ARL15: variants seen among roughly 807,000 people sequenced by gnomAD.
ARL15 encodes the protein ARF like GTPase 15, also known as ADP-ribosylation factor-like protein 15.
In ARL15, 19 loss-of-function variants were observed where a neutral mutation model predicts 25.2. The observed-to-expected ratio is 0.75, with a 90% CI of 0.53 to 1.10. ARL15 has a LOEUF of 1.10. Among genes scored for constraint, ARL15 ranks in the 50% least tolerant of loss-of-function variants. The pLI is 0.00. For missense variants in ARL15, 220 were observed against 246.0 expected (o/e 0.89, Z 0.71); for synonymous variants, 94 against 86.8 (o/e 1.08, Z -0.46).
chr5:53,933,734 T>C (rs1295413256), intron 4 of ARL15, among the ~76,000 whole-genome samples: 2 of 151,554 alleles, frequency 1.3e-5, no homozygotes, highest in African/African-American at 2.4e-5. Context: ...ATTCATTAGG[T>C]TTAAGGATCT....
chr5:54,129,377 C>T (rs1027080753), intron 3 of ARL15, among the ~76,000 whole-genome samples: 2 of 152,072 alleles, frequency 1.3e-5, no homozygotes, highest in African/African-American at 4.8e-5. Context: ...GCTCCCTATT[C>T]AGAGCATATT....
At chr5:53,941,735 T>C (rs1746545800) in intron 4 of ARL15, among the ~76,000 whole-genome samples, 1 of 152,148 alleles carries the variant, frequency 6.6e-6, no homozygotes, top group Non-Finnish European at 1.5e-5. Context: ...CAGTTGTTTA[T>C]GTGGTGATTC....
intron 1 of ARL15, among the ~76,000 whole-genome samples, chr5:54,305,937 C>G (rs952939532): frequency 1.3e-5 from 2 of 152,128 alleles, no homozygotes; most frequent in Admixed American, 6.5e-5. Context: ...GTCACATTTT[C>G]AAGTCTAAGT....
At chr5:53,932,534 A>G (rs1230416560) in intron 4 of ARL15, among the ~76,000 whole-genome samples, 1 of 152,200 alleles carries the variant, frequency 6.6e-6, no homozygotes, top group East Asian at 1.9e-4. Context: ...GCGGATCACC[A>G]TCTGGGTTGA....
At chr5:54,120,067 A>G (rs530027189) in intron 3 of ARL15, among the ~76,000 whole-genome samples, 80 of 152,308 alleles carry the variant, frequency 5.3e-4, no homozygotes, top group South Asian at 1.7e-3. Context: ...TCTAACCCAT[A>G]ATGGAAACTC....
At chr5:54,085,447 T>C (rs1751934639) in intron 4 of ARL15, among the ~76,000 whole-genome samples, 1 of 152,302 alleles carries the variant, frequency 6.6e-6, no homozygotes, top group East Asian at 1.9e-4. Flanking sequence ...TAAGTTTTTT[T>C]AGAAATTTTT....
At chr5:54,125,085 GTT>G (rs70986660) in intron 3 of ARL15, among the ~76,000 whole-genome samples, 2 of 136,438 alleles carry the variant, frequency 1.5e-5, no homozygotes, top group Admixed American at 7.3e-5. Flanking sequence ...GTTTTGTTTT[GTT>G]TTTTTTTTTT....
intron 4 of ARL15, among the ~76,000 whole-genome samples, chr5:53,989,244 T>A (rs1664796): frequency 0.63 from 96,182 of 152,044 alleles, 30,911 homozygotes; most frequent in East Asian, 0.86. Flanking sequence ...ATAACATTTC[T>A]AAATTATCTG....
intron 4 of ARL15, among the ~76,000 whole-genome samples, chr5:53,972,932 T>C (rs12658939): frequency 0.14 from 20,927 of 152,188 alleles, 1,525 homozygotes; most frequent in East Asian, 0.26. Flanking sequence ...ATTTTCATGT[T>C]TGCAATGACC....
At chr5:54,107,493 C>G (rs958439143) in intron 4 of ARL15, among the ~76,000 whole-genome samples, 6 of 151,924 alleles carry the variant, frequency 3.9e-5, no homozygotes, top group African/African-American at 1.2e-4. Flanking sequence ...CATGAAACTT[C>G]GATAGGAAGT....
intron 4 of ARL15, among the ~76,000 whole-genome samples, chr5:53,888,980 T>C: frequency 6.6e-6 from 1 of 152,130 alleles, no homozygotes; most frequent in African/African-American, 2.4e-5. Flanking sequence ...CAATAATGCT[T>C]CCCATCAGAT....
At chr5:54,230,104 C>T (rs1756625238) in intron 1 of ARL15, among the ~76,000 whole-genome samples, 2 of 152,096 alleles carry the variant, frequency 1.3e-5, no homozygotes, top group South Asian at 4.1e-4. Flanking sequence ...GTAATCCCAG[C>T]ACTTCGGGAG....
intron 4 of ARL15, among the ~76,000 whole-genome samples, chr5:53,975,720 G>A (rs948184900): frequency 6.6e-6 from 1 of 152,172 alleles, no homozygotes; most frequent in African/African-American, 2.4e-5. Context: ...ATTCTTCTGG[G>A]GAAGGACCAA....
At chr5:54,008,591 T>C (rs1580165653) in intron 4 of ARL15, among the ~76,000 whole-genome samples, 1 of 152,164 alleles carries the variant, frequency 6.6e-6, no homozygotes, top group East Asian at 1.9e-4. Flanking sequence ...TTTACTTATT[T>C]CTTCACCAAA....
rs114429817 is a variant in ARL15, at chr5:54,095,363, T to G, written c.462+17839A>C. 1.0e-2 allele frequency among the ~76,000 whole-genome samples: 1,521 copies of G among 152,310 alleles called. 29 individuals carry two copies. The highest frequency in any genetic ancestry group is 0.035 in the African/African-American group (1,440 of 41,568). On this transcript the variant is annotated intron_variant, in intron 4 of 4. Transcript: ENST00000504924. The stretch of plus-strand genomic sequence containing the variant: ...AACAATTACCAGAATATGACACGTT[T>G]TATAGCCCCGTGCCTTTTCTTAAAC...
At position 54,028,526 on chromosome 5, in the gene ARL15, AC is replaced by A. The variant is rs551110185; in HGVS notation, c.462+84675del. ...TTTAGTAAATTAAAAAAAAAAAAAA[AC>A]CACAACTGAATGCAATAACATTTTC... On this transcript the variant is annotated intron_variant, in intron 4 of 4. Coordinates refer to ENST00000504924, the MANE Select transcript of ARL15 (RefSeq NM_019087.3). 2.4e-3 allele frequency among the ~76,000 whole-genome samples: 360 copies of A among 148,308 alleles called. 10 individuals carry two copies. The East Asian group carries it at 0.055, about 22-fold the overall frequency.
rs192699632 is a variant in ARL15, at chr5:54,119,340, C to T, written c.254-5930G>A. Among the ~76,000 whole-genome samples the T allele has an allele frequency of 1.6e-3, 247 of 152,202 alleles. 2 individuals are homozygous for T. The highest frequency in any genetic ancestry group is 8.1e-3 in the Admixed American group (123 of 15,270). Reference sequence around the variant, plus strand: ...TTGCATGTTCTCTCACCATGTGATACCTTCTGCACGTTTTGATGCAGCAAG... The same window carrying T: ...TTGCATGTTCTCTCACCATGTGATATCTTCTGCACGTTTTGATGCAGCAAG... On this transcript the variant is annotated intron_variant, in intron 3 of 4. Transcript: ENST00000504924.
chr5:54,307,471 T>C (rs1758784397), intron 1 of ARL15, among the ~76,000 whole-genome samples: 1 of 152,180 alleles, frequency 6.6e-6, no homozygotes, highest in Non-Finnish European at 1.5e-5. Flanking sequence ...GATTAGCAAA[T>C]TTCTATTCTT....
At chr5:53,975,184 C>T (rs1284900901) in intron 4 of ARL15, among the ~76,000 whole-genome samples, 1 of 152,104 alleles carries the variant, frequency 6.6e-6, no homozygotes, top group Non-Finnish European at 1.5e-5. Flanking sequence ...ATCTTTTTCT[C>T]TAAACTTTCT....
Sources: gnomAD v4.1 joint callset for allele counts (sites outside exome capture counted in the v4.1 genomes callset) on GRCh38, gnomAD v4.1.1 for gene constraint, MANE v1.5 for transcripts, NCBI Gene and HGNC (gene_info 2026-07-23, HGNC 2026-07-21) for gene names.